The following CNBD1 variants were observed in gnomAD, a reference collection of about 807,000 sequenced individuals.
The protein encoded by CNBD1 is cyclic nucleotide-binding domain-containing protein 1.
A neutral mutation model predicts 54.4 loss-of-function variants in CNBD1; 71 were observed. That is an observed-to-expected ratio of 1.30 (90% CI 1.08 to 1.59). The LOEUF (loss-of-function observed/expected upper bound fraction) is 1.59. Among genes scored for constraint, CNBD1 ranks in the 40% most tolerant of loss-of-function variants. The probability of loss-of-function intolerance (pLI) is 0.00; values close to 1 mark genes in which losing one functional copy is unlikely to be tolerated. For missense variants in CNBD1, 659 were observed against 518.0 expected (o/e 1.27, Z -2.64); for synonymous variants, 182 against 170.7 (o/e 1.07, Z -0.51).
chr8:87,263,286 C>A (rs1462995529), intron 6 of CNBD1, among the ~76,000 whole-genome samples: 1 of 152,218 alleles, frequency 6.6e-6, no homozygotes, highest in Non-Finnish European at 1.5e-5. Context: ...TATAATAATA[C>A]TAGCAGTTGA....
chr8:86,957,343 T>C (rs1225625526), intron 4 of CNBD1, among the ~76,000 whole-genome samples: 2 of 152,204 alleles, frequency 1.3e-5, no homozygotes, highest in Non-Finnish European at 2.9e-5. Flanking sequence ...GCTGGCCTCA[T>C]AAAATGAGTT....
chr8:87,099,258 C>T (rs1022770087), intron 4 of CNBD1, among the ~76,000 whole-genome samples: 5 of 151,906 alleles, frequency 3.3e-5, no homozygotes, highest in Admixed American at 1.3e-4. Context: ...GCACAGTGAG[C>T]AGGTAGGAGA....
chr8:87,125,421 T>C (rs2130720230), intron 4 of CNBD1, among the ~76,000 whole-genome samples: 1 of 151,912 alleles, frequency 6.6e-6, no homozygotes, highest in Admixed American at 6.5e-5. Flanking sequence ...GGCGCCTGCA[T>C]ACAAACAGGC....
At chr8:87,016,776 A>G (rs922861656) in intron 4 of CNBD1, among the ~76,000 whole-genome samples, 17 of 152,206 alleles carry the variant, frequency 1.1e-4, no homozygotes, top group Non-Finnish European at 2.2e-4. Context: ...CTAAAAAAGC[A>G]ATCAGCCTAG....
At chr8:87,412,567 A>T (rs1807765355) in intron 2 of CNBD1, among the ~76,000 whole-genome samples, 1 of 152,104 alleles carries the variant, frequency 6.6e-6, no homozygotes, top group South Asian at 2.1e-4. Context: ...AAGAAAAATC[A>T]CCAAGAGAAA....
At chr8:87,278,184 A>T (rs1484195731) in intron 6 of CNBD1, among the ~76,000 whole-genome samples, 1 of 151,560 alleles carries the variant, frequency 6.6e-6, no homozygotes, top group East Asian at 1.9e-4. Context: ...CATAACTTAG[A>T]TATGAGAAAT....
chr8:87,328,280 A>T (rs1446678546), intron 8 of CNBD1, among the ~76,000 whole-genome samples: 1 of 151,976 alleles, frequency 6.6e-6, no homozygotes, highest in Admixed American at 6.6e-5. Context: ...AGATCAGTTG[A>T]CAACATATGT....
intron 4 of CNBD1, among the ~76,000 whole-genome samples, chr8:87,106,646 T>G (rs944512959): frequency 6.6e-6 from 1 of 152,184 alleles, no homozygotes; most frequent in African/African-American, 2.4e-5. Context: ...TTCTCTACCC[T>G]TTTTTGGTTC....
intron 4 of CNBD1, among the ~76,000 whole-genome samples, chr8:87,079,019 C>G (rs2030726): frequency 0.04 from 6,101 of 151,844 alleles, 408 homozygotes; most frequent in African/African-American, 0.14. Flanking sequence ...TCTATCCCCC[C>G]CTTTTTTTCT....
chr8:86,875,962 T>C (rs1808514671), intron 1 of CNBD1, among the ~76,000 whole-genome samples: 1 of 152,214 alleles, frequency 6.6e-6, no homozygotes, highest in Non-Finnish European at 1.5e-5. Context: ...TACCCTCGTA[T>C]ATATTTTTGG....
At chr8:87,210,553 C>G (rs1814075033) in intron 5 of CNBD1, among the ~76,000 whole-genome samples, 1 of 152,176 alleles carries the variant, frequency 6.6e-6, no homozygotes, top group Non-Finnish European at 1.5e-5. Context: ...CCTGCATAGC[C>G]TCAGGATGCT....
intron 4 of CNBD1, among the ~76,000 whole-genome samples, chr8:87,116,001 C>T (rs1811759780): frequency 1.3e-5 from 2 of 152,070 alleles, no homozygotes; most frequent in African/African-American, 4.8e-5. Context: ...TGAGTGAATC[C>T]ACTATCTCTT....
In CNBD1 at chr8:87,247,859, G is replaced by A. The variant is rs560470881; in HGVS notation, c.771+10747G>A. Among the ~76,000 whole-genome samples the A allele has an allele frequency of 3.3e-5, 5 of 152,318 alleles. No individual in the cohort carries two copies. In the South Asian group the frequency reaches 1.0e-3, roughly 32 times the overall value. On this transcript the variant is annotated intron_variant, in intron 6 of 10. Transcript: ENST00000518476. The stretch of plus-strand genomic sequence containing the variant: ...TCAGGTGACATTTTTCAGTTGTTAA[G>A]TTCAGGTGAAATGGCATTTTTCAGC...
intron 10 of CNBD1, among the ~76,000 whole-genome samples, chr8:87,374,108 A>G (rs1411826048): frequency 6.6e-6 from 1 of 151,742 alleles, no homozygotes; most frequent in Non-Finnish European, 1.5e-5. Flanking sequence ...AATTCATCAT[A>G]AAAAAAGAAA....
At chr8:87,296,813 G>A (rs1163091130) in intron 8 of CNBD1, among the ~76,000 whole-genome samples, 1 of 151,890 alleles carries the variant, frequency 6.6e-6, no homozygotes, top group Non-Finnish European at 1.5e-5. Flanking sequence ...AGTATCTTAG[G>A]CTGACACTTA....
chr8:86,953,307 G>T (rs1003633040), intron 4 of CNBD1, among the ~76,000 whole-genome samples: 18 of 152,126 alleles, frequency 1.2e-4, no homozygotes, highest in African/African-American at 4.3e-4. Context: ...CTGCCAAACT[G>T]TTTTTCAAAA....
At chr8:87,328,412 G>A (rs930612357) in intron 8 of CNBD1, among the ~76,000 whole-genome samples, 1 of 151,098 alleles carries the variant, frequency 6.6e-6, no homozygotes, top group African/African-American at 2.4e-5. Context: ...TTTAAATTAT[G>A]TTTAATTTTT....
chr8:87,004,844 A>C (rs972569169), intron 4 of CNBD1, among the ~76,000 whole-genome samples: 1 of 152,166 alleles, frequency 6.6e-6, no homozygotes, highest in African/African-American at 2.4e-5. Context: ...CTCAAGACTG[A>C]GCCTTTTGAA....
intron 8 of CNBD1, among the ~76,000 whole-genome samples, chr8:87,322,902 T>G (rs1207501065): frequency 8.6e-6 from 1 of 116,710 alleles, no homozygotes; most frequent in Non-Finnish European, 1.9e-5. Context: ...TGAATGGTAA[T>G]GCCTAGGTTT....
Sources: gnomAD v4.1 joint callset for allele counts (sites outside exome capture counted in the v4.1 genomes callset) on GRCh38, gnomAD v4.1.1 for gene constraint, MANE v1.5 for transcripts, NCBI Gene and HGNC (gene_info 2026-07-23, HGNC 2026-07-21) for gene names.